The following SLC24A2 variants were observed in gnomAD, a reference collection of about 807,000 sequenced individuals.
The protein encoded by SLC24A2 is solute carrier family 24 member 2, also known as sodium/potassium/calcium exchanger 2.
SLC24A2 carries 36 observed loss-of-function variants against 62.0 expected under a neutral mutation model. The ratio of observed to expected loss-of-function variants is 0.58; its 90% CI spans 0.44 to 0.77. The LOEUF is 0.77. Ranked by LOEUF, SLC24A2 falls within the 30% of genes least tolerant of loss-of-function variation. The pLI, the probability that SLC24A2 is intolerant of heterozygous loss-of-function variation, is 0.00. For synonymous variants in SLC24A2, 358 were observed against 294.0 expected (o/e 1.22, Z -2.23); for missense variants, 846 against 817.9 (o/e 1.03, Z -0.42).
chr9:20,054,826 A>C, the SLC24A2 span, among the ~76,000 whole-genome samples: 1 of 152,204 alleles, frequency 6.6e-6, no homozygotes, highest in Non-Finnish European at 1.5e-5. Flanking sequence ...AAGTAAATAG[A>C]TACCCAGTAG....
Position 19,725,855 on chromosome 9 carries a change from G to A in SLC24A2, c.930+60082C>T, listed in dbSNP as rs558470894. Among the ~76,000 whole-genome samples, 92 of 152,184 alleles carry A rather than the reference G, an allele frequency of 6.0e-4. 1 individual carries two copies. The highest frequency in any genetic ancestry group is 2.1e-3 in the African/African-American group (89 of 41,522). ...AGAACAGCTTTTTCCTTACTCCCAG[G>A]ATACACAGCTGCTGCCCATATTCCC... On this transcript the variant is annotated intron_variant, in intron 2 of 10. Transcript: ENST00000341998.
chr9:19,519,696 G>A (rs928968681), intron 10 of SLC24A2, among the ~76,000 whole-genome samples: 6 of 152,188 alleles, frequency 3.9e-5, no homozygotes, highest in African/African-American at 1.4e-4. Context: ...ACAAGAGTAA[G>A]ATGTACAGAC....
chr9:19,777,967 C>T (rs1303353134), intron 2 of SLC24A2, among the ~76,000 whole-genome samples: 1 of 152,130 alleles, frequency 6.6e-6, no homozygotes, highest in East Asian at 1.9e-4. Flanking sequence ...GTTAGAATTG[C>T]TCCTCAGATT....
the SLC24A2 span, among the ~76,000 whole-genome samples, chr9:20,032,825 C>T: frequency 1.9e-3 from 296 of 152,230 alleles, no homozygotes; most frequent in African/African-American, 6.8e-3. Flanking sequence ...AAAGGTGAAG[C>T]AGGGTAGGGA....
the SLC24A2 span, among the ~76,000 whole-genome samples, chr9:20,107,025 A>G: frequency 6.6e-6 from 1 of 152,238 alleles, no homozygotes; most frequent in Non-Finnish European, 1.5e-5. Flanking sequence ...ATCAATGTAC[A>G]AAAATCACAA....
At chr9:20,079,309 C>G in the SLC24A2 span, among the ~76,000 whole-genome samples, 1 of 152,148 alleles carries the variant, frequency 6.6e-6, no homozygotes, top group Non-Finnish European at 1.5e-5. Context: ...TGTTATGACA[C>G]CCCTAGGAAA....
intron 2 of SLC24A2, among the ~76,000 whole-genome samples, chr9:19,647,067 C>T (rs746678133): frequency 1.9e-4 from 5 of 26,370 alleles, no homozygotes; most frequent in African/African-American, 3.8e-4. Context: ...CACACACGCG[C>T]GCACACACAC....
intron 2 of SLC24A2, among the ~76,000 whole-genome samples, chr9:19,646,451 T>A (rs1818640578): frequency 6.6e-6 from 1 of 152,124 alleles, no homozygotes; most frequent in African/African-American, 2.4e-5. Flanking sequence ...AGAGAGAAAT[T>A]TCTCTAAAGC....
rs1041058533 is a variant in SLC24A2 at position 19,740,883 on chromosome 9, A to AAG, written c.930+45052_930+45053dup. On this transcript the variant is annotated intron_variant, in intron 2 of 10. Transcript: ENST00000341998. ...TTATAAAAAGGACCAAAAAAAAAAA[A>AAG]AGAGAGAGAGAAAACTATTCACAGA... is the stretch of plus-strand genomic sequence containing the variant. Among the ~76,000 whole-genome samples, 7 of 151,838 alleles carry AAG rather than the reference A, an allele frequency of 4.6e-5. No individual in the cohort carries two copies. The Middle Eastern group carries it at 0.01, about 221-fold the overall frequency.
At chr9:20,277,161 A>T in the SLC24A2 span, among the ~76,000 whole-genome samples, 1 of 152,340 alleles carries the variant, frequency 6.6e-6, no homozygotes, top group South Asian at 2.1e-4. Flanking sequence ...AATACCATTC[A>T]GGACATAGGC....
the SLC24A2 span, among the ~76,000 whole-genome samples, chr9:20,274,257 G>T: frequency 6.6e-6 from 1 of 152,180 alleles, no homozygotes; most frequent in African/African-American, 2.4e-5. Context: ...AGGGGGACCA[G>T]GAGTGCTGGG....
the SLC24A2 span, among the ~76,000 whole-genome samples, chr9:19,875,861 AG>A: frequency 2.9e-3 from 445 of 152,294 alleles, 1 homozygote; most frequent in African/African-American, 0.01. Flanking sequence ...CTCTGTTTCA[AG>A]TCATACATTC....
the SLC24A2 span, among the ~76,000 whole-genome samples, chr9:19,882,445 A>G: frequency 2.0e-5 from 3 of 151,650 alleles, no homozygotes; most frequent in African/African-American, 4.9e-5. Context: ...TGTCATCTTG[A>G]TATGTGTGGA....
At chr9:20,200,022 C>T in the SLC24A2 span, among the ~76,000 whole-genome samples, 17 of 151,808 alleles carry the variant, frequency 1.1e-4, no homozygotes, top group Non-Finnish European at 1.5e-4. Context: ...TGAGACACCG[C>T]GACCAGCTGA....
At chr9:20,213,906 C>T in the SLC24A2 span, among the ~76,000 whole-genome samples, 1 of 152,176 alleles carries the variant, frequency 6.6e-6, no homozygotes, top group African/African-American at 2.4e-5. Flanking sequence ...CATTGTATCT[C>T]CATTTCACCC....
At chr9:19,830,392 A>G in the SLC24A2 span, among the ~76,000 whole-genome samples, 2 of 152,198 alleles carry the variant, frequency 1.3e-5, no homozygotes, top group African/African-American at 4.8e-5. Flanking sequence ...TCAGATTTTG[A>G]CATGCATTAA....
chr9:19,535,386 G>C lies in SLC24A2; in HGVS notation c.1480-7248C>G, dbSNP rs578226480. ...ATCCCAGTTGCCAATTTTGGCTTTT[G>C]TTGCCATTGCTTTTCGTGTTTTAGA... On this transcript the variant is annotated intron_variant, in intron 8 of 10. Transcript: ENST00000341998. Among the ~76,000 whole-genome samples, 9 of 152,234 alleles carry C rather than the reference G, an allele frequency of 5.9e-5. No homozygotes were observed. The South Asian group carries it at 1.7e-3, about 28-fold the overall frequency.
the SLC24A2 span, among the ~76,000 whole-genome samples, chr9:20,207,510 C>T: frequency 1.3e-5 from 2 of 152,208 alleles, no homozygotes; most frequent in African/African-American, 4.8e-5. Context: ...TTCACTGTCT[C>T]CTGTAATACT....
At chr9:20,125,680 C>G in the SLC24A2 span, among the ~76,000 whole-genome samples, 8 of 152,102 alleles carry the variant, frequency 5.3e-5, no homozygotes, top group African/African-American at 1.9e-4. Context: ...GACTATCTCT[C>G]AAAGTTTATT....
Sources: allele counts gnomAD v4.1 joint callset (sites outside exome capture counted in the v4.1 genomes callset), GRCh38; gene constraint gnomAD v4.1.1; transcripts MANE v1.5; gene names NCBI Gene and HGNC (gene_info 2026-07-23, HGNC 2026-07-21).